Variants in ZCCHC7 observed in about 807,000 individuals in gnomAD.
ZCCHC7 encodes the protein zinc finger CCHC domain-containing protein 7.
In ZCCHC7, 35 loss-of-function variants were observed where a neutral mutation model predicts 52.0. The observed-to-expected ratio is 0.67, with a 90% CI of 0.51 to 0.89. The LOEUF (loss-of-function observed/expected upper bound fraction) is 0.89, where lower values mean the gene tolerates loss of function less well. Among genes scored for constraint, ZCCHC7 ranks in the 40% least tolerant of loss-of-function variants. The pLI is 0.00. For missense variants in ZCCHC7, 574 were observed against 649.1 expected, an observed-to-expected ratio of 0.88 and a Z score of 1.26; for synonymous variants, 217 against 221.5, an observed-to-expected ratio of 0.98 and a Z score of 0.18.
At chr9:37,230,129 G>T (rs1423228109) in intron 2 of ZCCHC7, among the ~76,000 whole-genome samples, 1 of 152,130 alleles carries the variant, frequency 6.6e-6, no homozygotes, top group East Asian at 1.9e-4. Context: ...TCCTCTGAGG[G>T]ACCTGTTTTA....
intron 2 of ZCCHC7, among the ~76,000 whole-genome samples, chr9:37,239,944 G>T (rs183717748): frequency 3.5e-4 from 53 of 152,176 alleles, no homozygotes; most frequent in Admixed American, 3.4e-3. Flanking sequence ...ACCATTCAGA[G>T]ATGTTCAGTA....
At chr9:37,222,076 A>ATT (rs1024060360) in intron 2 of ZCCHC7, among the ~76,000 whole-genome samples, 3 of 152,142 alleles carry the variant, frequency 2.0e-5, no homozygotes, top group Non-Finnish European at 4.4e-5. Context: ...AAGAGCATAC[A>ATT]TTTTAAGTGG....
intron 2 of ZCCHC7, among the ~76,000 whole-genome samples, chr9:37,143,438 G>A (rs1033302349): frequency 2.0e-5 from 3 of 151,044 alleles, no homozygotes; most frequent in African/African-American, 7.3e-5. Flanking sequence ...GGATTTGTTT[G>A]TGAAATATTT....
In ZCCHC7 at chr9:37,126,776, A is replaced by G; in HGVS notation, c.444A>G (p.Val148=). ...CTAAATCTGAAGAGAGATCAGGTGT[A>G]ATCCGAGAGGTCATGATTATAGAGG... ...EKPKSEERSG[V]IREVMIIEVS... The change falls in exon 2 of 9, where the codon GTA becomes GTG. Residue 148 remains valine (V), a synonymous_variant. Transcript: ENST00000336755. 1.2e-6 allele frequency: 2 copies of G among 1,614,184 alleles called. No homozygotes were observed. Among genetic ancestry groups the G allele is most frequent in the South Asian group, 2.2e-5 (2 of 91,082 alleles).
At chr9:37,137,985 A>G (rs13300560) in intron 2 of ZCCHC7, among the ~76,000 whole-genome samples, 30,434 of 152,080 alleles carry the variant, frequency 0.2, 3,302 homozygotes, top group Non-Finnish European at 0.25. Flanking sequence ...TATAACTGAA[A>G]AATGGCCACA....
At chr9:37,186,489 C>G (rs1822662384) in intron 2 of ZCCHC7, among the ~76,000 whole-genome samples, 1 of 152,050 alleles carries the variant, frequency 6.6e-6, no homozygotes, top group Admixed American at 6.5e-5. Flanking sequence ...TTTTTATCCC[C>G]TTGAATGTAA....
At position 37,126,592 on chromosome 9, in the gene ZCCHC7, A is replaced by G. The variant is rs1216373344; in HGVS notation, c.260A>G (p.Asp87Gly). 1.1e-5 allele frequency: 17 copies of G among 1,614,088 alleles called. No homozygotes were observed. Among genetic ancestry groups the G allele is most frequent in the Non-Finnish European group, 1.4e-5 (17 of 1,180,044 alleles). ...GATAGTGAGGTCATCCAGCTGTCAG[A>G]TGGGTCAGAGGTCATCACTTTGTCT... ...LSDSEVIQLS[D>G]GSEVITLSDE... The change falls in exon 2 of 9, where the codon GAT (aspartate) becomes GGT (glycine). Residue 87 changes from aspartate to glycine, a missense_variant. This residue lies in a region of ZCCHC7 where 403 missense variants were observed against 461.2 expected (regional missense o/e 0.87). Coordinates refer to ENST00000336755, the MANE Select transcript of ZCCHC7 (RefSeq NM_032226.3).
chr9:37,124,966 C>T (rs994687256), intron 1 of ZCCHC7, among the ~76,000 whole-genome samples: 2 of 152,194 alleles, frequency 1.3e-5, no homozygotes, highest in Admixed American at 1.3e-4. Flanking sequence ...ATTCTTGTGC[C>T]TCCACCTCCT....
At chr9:37,189,553 A>G (rs979262774) in intron 2 of ZCCHC7, among the ~76,000 whole-genome samples, 1 of 151,794 alleles carries the variant, frequency 6.6e-6, no homozygotes, top group Admixed American at 6.6e-5. Flanking sequence ...CACCCAGCTA[A>G]TTTTTTCTAT....
At chr9:37,338,413 C>T (rs1006820839) in intron 6 of ZCCHC7, among the ~76,000 whole-genome samples, 2 of 152,084 alleles carry the variant, frequency 1.3e-5, no homozygotes, top group African/African-American at 4.8e-5. Flanking sequence ...ATGATGTAAT[C>T]CCTTATACTC....
intron 2 of ZCCHC7, among the ~76,000 whole-genome samples, chr9:37,139,928 T>C (rs1843153484): frequency 6.6e-6 from 1 of 151,972 alleles, no homozygotes; most frequent in South Asian, 2.1e-4. Flanking sequence ...TTTTTCTATA[T>C]TGGTAGTTAA....
intron 2 of ZCCHC7, among the ~76,000 whole-genome samples, chr9:37,132,536 G>T (rs1011035601): frequency 2.0e-5 from 3 of 152,118 alleles, no homozygotes; most frequent in Non-Finnish European, 4.4e-5. Flanking sequence ...ATGTGTATGT[G>T]TGTGTATACA....
At chr9:37,132,388 A>G (rs911882496) in intron 2 of ZCCHC7, among the ~76,000 whole-genome samples, 2 of 152,234 alleles carry the variant, frequency 1.3e-5, no homozygotes, top group African/African-American at 4.8e-5. Context: ...ACAAAAATAA[A>G]ATGTTATAAT....
At chr9:37,226,206 ATG>A (rs950800301) in intron 2 of ZCCHC7, among the ~76,000 whole-genome samples, 2 of 152,260 alleles carry the variant, frequency 1.3e-5, no homozygotes, top group African/African-American at 2.4e-5. Flanking sequence ...GTATCAAAAA[ATG>A]TGAAATATTA....
At chr9:37,351,059 C>G (rs1293621980) in intron 7 of ZCCHC7, among the ~76,000 whole-genome samples, 6 of 84,670 alleles carry the variant, frequency 7.1e-5, no homozygotes, top group Admixed American at 1.3e-4. Flanking sequence ...ATCTTGGGAG[C>G]TGGAGACCTA....
intron 6 of ZCCHC7, among the ~76,000 whole-genome samples, chr9:37,343,069 A>C (rs151117756): frequency 6.6e-6 from 1 of 152,234 alleles, no homozygotes; most frequent in Non-Finnish European, 1.5e-5. Context: ...ACACTTGTAT[A>C]TGCCTGTACT....
At chr9:37,224,983 A>G (rs1792882123) in intron 2 of ZCCHC7, among the ~76,000 whole-genome samples, 1 of 152,236 alleles carries the variant, frequency 6.6e-6, no homozygotes. Flanking sequence ...AGTAAAGCTG[A>G]AGAACATTTA....
At chr9:37,291,235 G>A (rs1408264936) in intron 2 of ZCCHC7, among the ~76,000 whole-genome samples, 1 of 152,088 alleles carries the variant, frequency 6.6e-6, no homozygotes, top group Admixed American at 6.5e-5. Flanking sequence ...CGTAGTCTAG[G>A]TACTAGAACC....
intron 2 of ZCCHC7, among the ~76,000 whole-genome samples, chr9:37,235,147 TGTA>T (rs774175779): frequency 2.6e-5 from 4 of 152,192 alleles, no homozygotes; most frequent in Non-Finnish European, 4.4e-5. Flanking sequence ...AAATATACAA[TGTA>T]GTATTATTGT....
Sources: gnomAD v4.1 joint callset for allele counts (sites outside exome capture counted in the v4.1 genomes callset) on GRCh38, gnomAD v4.1.1 for gene constraint, gnomAD v4.1.1 regional missense constraint, MANE v1.5 for transcripts, NCBI Gene and HGNC (gene_info 2026-07-23, HGNC 2026-07-21) for gene names.